Variants in AMBRA1 observed in about 807,000 individuals in gnomAD.
AMBRA1 encodes autophagy and beclin 1 regulator 1.
Under a neutral mutation model 125.4 loss-of-function variants are expected in AMBRA1, and 47 were observed. The ratio of observed to expected loss-of-function variants is 0.37; its 90% CI spans 0.30 to 0.48. The LOEUF (loss-of-function observed/expected upper bound fraction) is 0.48, where lower values mean the gene tolerates loss of function less well. AMBRA1 is among the 20% of genes least tolerant of loss of function. The pLI is 0.99. For synonymous variants in AMBRA1, 626 were observed against 655.5 expected (o/e 0.95, Z 0.69); for missense variants, 1,331 against 1,693.4 (o/e 0.79, Z 3.76).
At chr11:46,583,232 G>C (rs918807066) in intron 1 of AMBRA1, among the ~76,000 whole-genome samples, 5 of 151,896 alleles carry the variant, frequency 3.3e-5, no homozygotes, top group Admixed American at 6.6e-5. Flanking sequence ...ACAAACCTGA[G>C]AAAAACAAGC....
chr11:46,557,880 G>C (rs1479276207), intron 1 of AMBRA1, among the ~76,000 whole-genome samples: 1 of 152,164 alleles, frequency 6.6e-6, no homozygotes, highest in Non-Finnish European at 1.5e-5. Context: ...GCCGAGGCAA[G>C]AGAATCACTT....
chr11:46,482,665 C>T (rs1193538741), intron 11 of AMBRA1, among the ~76,000 whole-genome samples: 1 of 152,106 alleles, frequency 6.6e-6, no homozygotes, highest in Non-Finnish European at 1.5e-5. Context: ...GTTAACTTCC[C>T]TGCATTAGGA....
At chr11:46,412,108 C>T (rs887448288) in intron 15 of AMBRA1, among the ~76,000 whole-genome samples, 44 of 152,150 alleles carry the variant, frequency 2.9e-4, no homozygotes, top group Admixed American at 2.6e-4. Context: ...ATTCCAAAGG[C>T]CACCTCTTTA....
intron 11 of AMBRA1, among the ~76,000 whole-genome samples, chr11:46,457,571 G>C (rs1403839006): frequency 6.6e-6 from 1 of 152,190 alleles, no homozygotes; most frequent in Non-Finnish European, 1.5e-5. Flanking sequence ...CAAAATATTA[G>C]TGATTCTTAA....
chr11:46,451,688 C>T, intron 11 of AMBRA1: 1 of 153,950 alleles, frequency 6.5e-6, no homozygotes, highest in Middle Eastern at 5.2e-4. Flanking sequence ...CTTTCTAATT[C>T]AGAATGGCCA....
chr11:46,430,615 T>C (rs891766726), intron 14 of AMBRA1, among the ~76,000 whole-genome samples: 1 of 152,202 alleles, frequency 6.6e-6, no homozygotes, highest in Non-Finnish European at 1.5e-5. Flanking sequence ...AGAAGAGTTT[T>C]CATATGGGAT....
intron 15 of AMBRA1, among the ~76,000 whole-genome samples, chr11:46,417,510 T>C (rs192648753): frequency 1.3e-5 from 2 of 152,326 alleles, no homozygotes; most frequent in East Asian, 3.9e-4. Flanking sequence ...TATTTCCAAT[T>C]CTTTTTAAGT....
chr11:46,449,943 C>T (rs1233660512), intron 11 of AMBRA1, among the ~76,000 whole-genome samples: 1 of 151,818 alleles, frequency 6.6e-6, no homozygotes, highest in Admixed American at 6.6e-5. Context: ...TCTGTAATCC[C>T]AGCTATTCAG....
rs1261586910 is a variant in AMBRA1 at position 46,408,684 on chromosome 11, T to A, written c.3232A>T (p.Thr1078Ser). Residue 1078 changes from threonine to serine, a missense_variant, in exon 17 of 18, where the codon ACA becomes TCA. This residue lies in a region of AMBRA1 where 354 missense variants were observed against 532.7 expected (regional missense o/e 0.66). Transcript: ENST00000683756. ...TTCATCAGCCCCATGTCTCTGTCTGTCCTCCATGTGGCTCTGCTGGTTCTA... is the reference window on the plus strand; with the variant it reads ...TTCATCAGCCCCATGTCTCTGTCTGACCTCCATGTGGCTCTGCTGGTTCTA... The part of the protein sequence containing the change: ...RPGTSRATWR[T>S]DRDMGLMNAI... 1 of 1,566,218 alleles carries A rather than the reference T, an allele frequency of 6.4e-7. No individual in the cohort carries two copies. The highest frequency in any genetic ancestry group is 8.7e-7 in the Non-Finnish European group (1 of 1,152,402).
chr11:46,561,515 A>G (rs898398760), intron 1 of AMBRA1, among the ~76,000 whole-genome samples: 4 of 152,366 alleles, frequency 2.6e-5, no homozygotes, highest in Middle Eastern at 6.8e-3. Flanking sequence ...GAAGAGGTTA[A>G]GAAATTCATC....
intron 9 of AMBRA1, among the ~76,000 whole-genome samples, chr11:46,500,397 T>C (rs2135004572): frequency 6.6e-6 from 1 of 152,262 alleles, no homozygotes; most frequent in Non-Finnish European, 1.5e-5. Flanking sequence ...AGACAATCAA[T>C]ACTTACAATG....
chr11:46,398,042 A>C, intron 17 of AMBRA1, 99 bp from the exon 18 acceptor site: 3 of 1,445,620 alleles, frequency 2.1e-6, no homozygotes, highest in Non-Finnish European at 2.8e-6. Context: ...ATTCTTGACT[A>C]AACGCAGGAT....
chr11:46,400,909 G>A (rs551130194), intron 17 of AMBRA1, among the ~76,000 whole-genome samples: 31 of 152,190 alleles, frequency 2.0e-4, no homozygotes, highest in African/African-American at 5.5e-4. Flanking sequence ...TGGGACACCC[G>A]GCTCCAGCTC....
intron 1 of AMBRA1, among the ~76,000 whole-genome samples, chr11:46,569,141 T>G (rs1453827578): frequency 6.7e-6 from 1 of 149,974 alleles, no homozygotes; most frequent in East Asian, 2.0e-4. Flanking sequence ...TATAAACTCA[T>G]ACTTCATACA....
At chr11:46,425,194 C>T (rs1342824539) in intron 14 of AMBRA1, among the ~76,000 whole-genome samples, 1 of 152,052 alleles carries the variant, frequency 6.6e-6, no homozygotes, top group African/African-American at 2.4e-5. Flanking sequence ...GGGCACAGAG[C>T]ACAACACAAG....
intron 11 of AMBRA1, among the ~76,000 whole-genome samples, chr11:46,445,539 G>C (rs1005478431): frequency 6.6e-6 from 1 of 152,148 alleles, no homozygotes; most frequent in Non-Finnish European, 1.5e-5. Context: ...TAAGATACCT[G>C]AACGACTTTA....
chr11:46,455,062 T>A (rs1948793186), intron 11 of AMBRA1, among the ~76,000 whole-genome samples: 1 of 152,018 alleles, frequency 6.6e-6, no homozygotes, highest in African/African-American at 2.4e-5. Flanking sequence ...AAAAAAAATT[T>A]GTTTTTGTAG....
chr11:46,398,059 A>G (rs1052522763), intron 17 of AMBRA1, 116 bp from the exon 18 acceptor site: 3 of 1,349,096 alleles, frequency 2.2e-6, no homozygotes, highest in African/African-American at 2.9e-5. Context: ...GGATAGAGAA[A>G]GACTCGCTCC....
intron 8 of AMBRA1, among the ~76,000 whole-genome samples, chr11:46,510,253 C>T (rs1414415081): frequency 6.6e-6 from 1 of 152,226 alleles, no homozygotes; most frequent in Non-Finnish European, 1.5e-5. Flanking sequence ...TTCCTAAAAG[C>T]CTCAACTGGA....
Sources: gnomAD v4.1 joint callset for allele counts (sites outside exome capture counted in the v4.1 genomes callset) on GRCh38, gnomAD v4.1.1 for gene constraint, gnomAD v4.1.1 regional missense constraint, MANE v1.5 for transcripts, NCBI Gene and HGNC (gene_info 2026-07-23, HGNC 2026-07-21) for gene names.